The following TUSC3 variants were observed in gnomAD, a reference collection of about 807,000 sequenced individuals.
TUSC3 encodes the protein dolichyl-diphosphooligosaccharide--protein glycosyltransferase subunit TUSC3.
TUSC3 carries 45 observed loss-of-function variants against 44.8 expected under a neutral mutation model. The ratio of observed to expected loss-of-function variants is 1.00; its 90% confidence interval spans 0.79 to 1.29. The LOEUF is 1.29. Ranked by LOEUF, TUSC3 falls within the 50% of genes most tolerant of loss-of-function variation. The probability of loss-of-function intolerance (pLI) is 0.00; values close to 1 mark genes in which losing one functional copy is unlikely to be tolerated. For missense variants in TUSC3, 519 were observed against 437.9 expected, an observed-to-expected ratio of 1.19 and a Z score of -1.65; for synonymous variants, 212 against 152.9, an observed-to-expected ratio of 1.39 and a Z score of -2.85.
chr8:15,814,127 G>C, the TUSC3 span, among the ~76,000 whole-genome samples: 1 of 152,228 alleles, frequency 6.6e-6, no homozygotes, highest in East Asian at 1.9e-4. Flanking sequence ...TTGTGACATA[G>C]TCTCACATAG....
intron 5 of TUSC3, among the ~76,000 whole-genome samples, chr8:15,672,945 G>A (rs1288981379): frequency 6.6e-6 from 1 of 152,052 alleles, no homozygotes; most frequent in Admixed American, 6.6e-5. Context: ...CAAGTTATAG[G>A]ATAGCAGGAA....
intron 5 of TUSC3, among the ~76,000 whole-genome samples, chr8:15,670,034 TCA>T (rs1486381040): frequency 6.6e-6 from 1 of 151,820 alleles, no homozygotes; most frequent in African/African-American, 2.4e-5. Flanking sequence ...TGTCATAGCA[TCA>T]CAAAAAGTTT....
At chr8:15,474,175 C>G (rs1485805531) in intron 1 of TUSC3, among the ~76,000 whole-genome samples, 1 of 152,192 alleles carries the variant, frequency 6.6e-6, no homozygotes, top group Non-Finnish European at 1.5e-5. Context: ...TTTTGCCCGA[C>G]CTCACAGGCA....
the TUSC3 span, among the ~76,000 whole-genome samples, chr8:15,828,643 A>G: frequency 5.2e-3 from 785 of 152,368 alleles, 5 homozygotes; most frequent in Non-Finnish European, 7.8e-3. Context: ...GTTAGCAAAC[A>G]GGAAATGATA....
chr8:15,799,547 C>A, the TUSC3 span, among the ~76,000 whole-genome samples: 2 of 152,118 alleles, frequency 1.3e-5, no homozygotes, highest in African/African-American at 4.8e-5. Flanking sequence ...AGCTGTGACC[C>A]CCTTCCCAGT....
intron 1 of TUSC3, among the ~76,000 whole-genome samples, chr8:15,591,425 A>G (rs181681129): frequency 3.3e-5 from 5 of 152,326 alleles, no homozygotes; most frequent in Admixed American, 1.3e-4. Flanking sequence ...TTCTGTACCA[A>G]AATATCTGTT....
chr8:15,489,832 C>T (rs903499), intron 2 of TUSC3, among the ~76,000 whole-genome samples: 1 of 151,916 alleles, frequency 6.6e-6, no homozygotes, highest in Admixed American at 6.6e-5. Flanking sequence ...CCTTGGCCAA[C>T]AGATGGGGTC....
chr8:15,578,602 T>C (rs1255488233), intron 1 of TUSC3, among the ~76,000 whole-genome samples: 1 of 149,206 alleles, frequency 6.7e-6, no homozygotes, highest in Non-Finnish European at 1.5e-5. Flanking sequence ...GCTCTGTTTA[T>C]ATGCTGGATT....
chr8:15,748,655 C>T lies in TUSC3; in HGVS notation c.1028+190C>T, dbSNP rs199712426. On this transcript the variant is annotated intron_variant, in intron 9 of 10. Coordinates refer to ENST00000503731, the MANE Select transcript of TUSC3 (RefSeq NM_006765.4). ...CACAAAGGAGATATAAGGCATGGTTCTTGTTCCCTGACAGCATGTAGTTTC... is the reference window on the plus strand; with the variant it reads ...CACAAAGGAGATATAAGGCATGGTTTTTGTTCCCTGACAGCATGTAGTTTC... 1.4e-3 allele frequency: 1,027 copies of T among 733,786 alleles called. 18 individuals are homozygous for T. The East Asian group carries it at 0.017, about 12-fold the overall frequency. The allele number at this position is 733,786 out of a possible 1,614,324, so 45.5% of individuals were successfully genotyped here. A position where few individuals can be genotyped will look rare whatever the true frequency, so the allele number is the denominator to read the frequency against.
intron 1 of TUSC3, among the ~76,000 whole-genome samples, chr8:15,602,272 G>C (rs139794595): frequency 6.6e-6 from 1 of 151,686 alleles, no homozygotes; most frequent in South Asian, 2.1e-4. Context: ...CTTATTGCCT[G>C]TTGTTCATGC....
At chr8:15,580,830 C>T (rs928919162) in intron 1 of TUSC3, among the ~76,000 whole-genome samples, 5 of 143,080 alleles carry the variant, frequency 3.5e-5, no homozygotes, top group Non-Finnish European at 7.6e-5. Flanking sequence ...ATCTTTGTGG[C>T]ATTCCCTGTA....
intron 1 of TUSC3, among the ~76,000 whole-genome samples, chr8:15,418,235 A>G (rs1040306320): frequency 2.0e-5 from 3 of 152,184 alleles, no homozygotes; most frequent in Admixed American, 1.3e-4. Flanking sequence ...CCTATTAGTA[A>G]AATGCACAGT....
chr8:15,791,024 A>G, the TUSC3 span, among the ~76,000 whole-genome samples: 1 of 152,166 alleles, frequency 6.6e-6, no homozygotes, highest in African/African-American at 2.4e-5. Flanking sequence ...AAGAGATTGC[A>G]GTACTCAAGG....
chr8:15,464,942 C>T (rs1193367508), intron 1 of TUSC3, among the ~76,000 whole-genome samples: 2 of 152,080 alleles, frequency 1.3e-5, no homozygotes, highest in African/African-American at 2.4e-5. Flanking sequence ...CTCTTCCTCC[C>T]AGGTTCAAGC....
intron 1 of TUSC3, among the ~76,000 whole-genome samples, chr8:15,420,329 T>A (rs770252444): frequency 5.9e-5 from 9 of 151,898 alleles, no homozygotes; most frequent in Non-Finnish European, 1.3e-4. Flanking sequence ...AAACCTCGTC[T>A]CTACTAAAAA....
chr8:15,682,790 TG>T (rs1808477419), intron 6 of TUSC3, among the ~76,000 whole-genome samples: 1 of 151,682 alleles, frequency 6.6e-6, no homozygotes, highest in Non-Finnish European at 1.5e-5. Context: ...GTTGTTCTTT[TG>T]TTTCCATGTC....
chr8:15,823,962 T>G, the TUSC3 span, among the ~76,000 whole-genome samples: 14 of 152,330 alleles, frequency 9.2e-5, no homozygotes, highest in East Asian at 2.7e-3. Flanking sequence ...GAATAAAGCA[T>G]TGAGAAAACA....
At chr8:15,820,116 A>T in the TUSC3 span, among the ~76,000 whole-genome samples, 2 of 152,134 alleles carry the variant, frequency 1.3e-5, no homozygotes, top group Non-Finnish European at 2.9e-5. Flanking sequence ...AAATGATCAT[A>T]TCCCACTTCT....
chr8:15,504,680 G>C (rs1452604310), intron 2 of TUSC3, among the ~76,000 whole-genome samples: 1 of 128,350 alleles, frequency 7.8e-6, no homozygotes, highest in Non-Finnish European at 1.6e-5. Flanking sequence ...TCGAGATGGA[G>C]TCTCGCTGTG....
Sources: gnomAD v4.1 joint callset for allele counts (sites outside exome capture counted in the v4.1 genomes callset) on GRCh38, gnomAD v4.1.1 for gene constraint, MANE v1.5 for transcripts, NCBI Gene and HGNC (gene_info 2026-07-23, HGNC 2026-07-21) for gene names.